The following PDZRN4 variants were observed in gnomAD, a reference collection of about 807,000 sequenced individuals.
PDZRN4 encodes PDZ domain-containing RING finger protein 4.
In PDZRN4, 70 loss-of-function variants were observed where a neutral mutation model predicts 99.0. The observed-to-expected ratio is 0.71, with a 90% confidence interval of 0.58 to 0.86. The LOEUF (loss-of-function observed/expected upper bound fraction) is 0.86, where lower values mean the gene tolerates loss of function less well. PDZRN4 is among the 40% of genes least tolerant of loss of function. The pLI is 0.00. For missense variants in PDZRN4, 1,474 were observed against 1,331.2 expected (o/e 1.11, Z -1.67); for synonymous variants, 551 against 501.6 (o/e 1.10, Z -1.32).
At chr12:41,461,667 T>C (rs1592069035) in intron 3 of PDZRN4, among the ~76,000 whole-genome samples, 2 of 152,292 alleles carry the variant, frequency 1.3e-5, no homozygotes, top group East Asian at 3.9e-4. Context: ...ATATGATTCT[T>C]CCCTTATTTC....
intron 3 of PDZRN4, among the ~76,000 whole-genome samples, chr12:41,274,037 T>C (rs1206336190): frequency 1.3e-5 from 2 of 152,144 alleles, no homozygotes; most frequent in Non-Finnish European, 2.9e-5. Context: ...ATGTGGGACA[T>C]GGCATTTAAG....
At chr12:41,571,033 C>T (rs963822447) in intron 9 of PDZRN4, among the ~76,000 whole-genome samples, 1 of 152,008 alleles carries the variant, frequency 6.6e-6, no homozygotes, top group Non-Finnish European at 1.5e-5. Flanking sequence ...TTTAGAATAT[C>T]TTTTGTCACC....
At chr12:41,381,343 T>C (rs1044939158) in intron 3 of PDZRN4, among the ~76,000 whole-genome samples, 11 of 152,100 alleles carry the variant, frequency 7.2e-5, no homozygotes, top group African/African-American at 2.4e-4. Flanking sequence ...TCTCTCTCTC[T>C]CCCCTCTTAT....
At chr12:41,477,769 T>C (rs1245896497) in intron 3 of PDZRN4, 3 of 736,678 alleles carry the variant, frequency 4.1e-6, no homozygotes, top group Non-Finnish European at 7.2e-6. Context: ...AGAATAAACA[T>C]GACATTATGA....
intron 3 of PDZRN4, among the ~76,000 whole-genome samples, chr12:41,397,067 C>T (rs12317852): frequency 0.033 from 4,994 of 152,124 alleles, 118 homozygotes; most frequent in African/African-American, 0.071. Context: ...CCATAAAATA[C>T]ATTTTTAAGT....
At chr12:41,493,950 C>T (rs114511051) in intron 3 of PDZRN4, among the ~76,000 whole-genome samples, 3,181 of 151,764 alleles carry the variant, frequency 0.021, 110 homozygotes, top group African/African-American at 0.071. Context: ...TCAAGAATAG[C>T]GCTTATTCAT....
In PDZRN4 at chr12:41,286,919, A is replaced by G. The variant is rs150665088; in HGVS notation, c.843+92731A>G. ...TTCACACCTTCTTTTCATGGTCTTTATGTTACCTAGGCTTGGAAGTGATGC... is the reference window on the plus strand; with the variant it reads ...TTCACACCTTCTTTTCATGGTCTTTGTGTTACCTAGGCTTGGAAGTGATGC... On this transcript the variant is annotated intron_variant, in intron 3 of 9. Coordinates refer to ENST00000402685, the MANE Select transcript of PDZRN4 (RefSeq NM_001164595.2). Among the ~76,000 whole-genome samples the G allele has an allele frequency of 5.9e-5, 9 of 152,162 alleles. No homozygotes were observed. In the East Asian group the frequency reaches 1.7e-3, roughly 29 times the overall value.
intron 3 of PDZRN4, among the ~76,000 whole-genome samples, chr12:41,430,232 G>C (rs915159967): frequency 6.6e-6 from 1 of 152,182 alleles, no homozygotes; most frequent in South Asian, 2.1e-4. Flanking sequence ...CACTTTGGGA[G>C]GCCAAGGTGG....
At chr12:41,202,850 T>A (rs993593868) in intron 3 of PDZRN4, among the ~76,000 whole-genome samples, 4 of 152,072 alleles carry the variant, frequency 2.6e-5, no homozygotes, top group African/African-American at 4.8e-5. Context: ...ATTTAGAGTA[T>A]GATGCAATTT....
At chr12:41,488,539 A>C (rs192674933) in intron 3 of PDZRN4, among the ~76,000 whole-genome samples, 210 of 152,300 alleles carry the variant, frequency 1.4e-3, no homozygotes, top group African/African-American at 4.6e-3. Context: ...CTGCCATCAA[A>C]GAATAATTTT....
chr12:41,447,003 C>T lies in PDZRN4; in HGVS notation c.844-59453C>T, dbSNP rs142442323. On this transcript the variant is annotated intron_variant, in intron 3 of 9. Coordinates refer to ENST00000402685, the MANE Select transcript of PDZRN4 (RefSeq NM_001164595.2). ...GGTAATGGGAACAGCTGGACTAAAG[C>T]AGGATATGGGACGACTATAGTTATT... is the stretch of plus-strand genomic sequence containing the variant. Among the ~76,000 whole-genome samples the T allele has an allele frequency of 3.0e-3, 460 of 151,986 alleles. 2 individuals carry two copies. Among genetic ancestry groups the T allele is most frequent in the African/African-American group, 0.011 (443 of 41,452 alleles).
rs1175043299 is a variant in PDZRN4, at chr12:41,539,133, ATT to A, written c.1204-13520_1204-13519del. 1.3e-4 allele frequency among the ~76,000 whole-genome samples: 20 copies of A among 152,014 alleles called. 1 individual carries two copies. The highest frequency in any genetic ancestry group is 4.6e-4 in the African/African-American group (19 of 41,518). ...TATTATGCGTAAATATAATATATATATTTTGTGGGAGCTCCTCTAATTCTCCT... is the reference window on the plus strand; with the variant it reads ...TATTATGCGTAAATATAATATATATATTGTGGGAGCTCCTCTAATTCTCCT... On this transcript the variant is annotated intron_variant, in intron 5 of 9. Transcript: ENST00000402685.
At chr12:41,211,156 G>T (rs1197059881) in intron 3 of PDZRN4, among the ~76,000 whole-genome samples, 1 of 151,924 alleles carries the variant, frequency 6.6e-6, no homozygotes, top group African/African-American at 2.4e-5. Flanking sequence ...TGCCAGAGTT[G>T]CCACACAAGG....
chr12:41,389,277 G>A (rs1952193108), intron 3 of PDZRN4, among the ~76,000 whole-genome samples: 1 of 152,102 alleles, frequency 6.6e-6, no homozygotes, highest in Non-Finnish European at 1.5e-5. Context: ...ATTATAGTTA[G>A]TAAATTTAAA....
chr12:41,280,165 G>T (rs981482977), intron 3 of PDZRN4, among the ~76,000 whole-genome samples: 1 of 152,272 alleles, frequency 6.6e-6, no homozygotes, highest in African/African-American at 2.4e-5. Context: ...CTGCCATGAG[G>T]GACGGTGCTA....
chr12:41,564,800 C>T (rs1001959008), intron 8 of PDZRN4, among the ~76,000 whole-genome samples: 1 of 152,100 alleles, frequency 6.6e-6, no homozygotes, highest in Non-Finnish European at 1.5e-5. Flanking sequence ...TACCAATTAT[C>T]TGGAAATTTC....
chr12:41,429,091 C>T (rs775598426), intron 3 of PDZRN4, among the ~76,000 whole-genome samples: 9 of 152,118 alleles, frequency 5.9e-5, no homozygotes, highest in Non-Finnish European at 1.2e-4. Flanking sequence ...CCAATGGAAA[C>T]GTCAGTGGTC....
intron 3 of PDZRN4, among the ~76,000 whole-genome samples, chr12:41,230,241 G>A (rs1375020037): frequency 6.6e-6 from 1 of 151,940 alleles, no homozygotes; most frequent in African/African-American, 2.4e-5. Flanking sequence ...CATTCCATGT[G>A]AAAGTAGGGA....
At chr12:41,533,533 A>G (rs1024822679) in intron 5 of PDZRN4, among the ~76,000 whole-genome samples, 5 of 152,204 alleles carry the variant, frequency 3.3e-5, no homozygotes, top group African/African-American at 1.2e-4. Context: ...CTGTTTGTCC[A>G]AAAGTATTTT....
Sources: allele counts gnomAD v4.1 joint callset (sites outside exome capture counted in the v4.1 genomes callset), GRCh38; gene constraint gnomAD v4.1.1; transcripts MANE v1.5; gene names NCBI Gene and HGNC (gene_info 2026-07-23, HGNC 2026-07-21).